Variants in LRRC9 observed in about 807,000 individuals in gnomAD.
LRRC9 encodes leucine-rich repeat-containing protein 9.
In LRRC9, 122 loss-of-function variants were observed where a neutral mutation model predicts 63.2. The observed-to-expected ratio is 1.93, with a 90% confidence interval of 1.67 to 2.24. LRRC9 has a LOEUF of 2.24. Among genes scored for constraint, LRRC9 ranks in the 30% most tolerant of loss-of-function variants. The pLI, the probability that LRRC9 is intolerant of heterozygous loss-of-function variation, is 0.00. For missense variants in LRRC9, 1,071 were observed against 627.7 expected (o/e 1.71, Z -7.55); for synonymous variants, 366 against 213.1 (o/e 1.72, Z -6.25).
In LRRC9 at chr14:59,942,202, A is replaced by G. The variant is rs1881846238; in HGVS notation, c.727-2387A>G. 6.6e-6 allele frequency among the ~76,000 whole-genome samples: 1 copy of G among 152,092 alleles called. No individual in the cohort carries two copies. Among genetic ancestry groups the G allele is most frequent in the Admixed American group, 6.6e-5 (1 of 15,248 alleles). On this transcript the variant is annotated intron_variant, in intron 7 of 31. Coordinates refer to ENST00000445360, the Ensembl canonical transcript of LRRC9. This position sits in a 1 kb window ranked among gnomAD's most constrained non-coding sequence, Gnocchi z 5.3. ...TGTGTATACACATATGTGTGTGTGT[A>G]ATGTGATATATATATATTACATTTT...
At chr14:60,034,528 C>T (rs533737219) in intron 29 of LRRC9, among the ~76,000 whole-genome samples, 5 of 152,098 alleles carry the variant, frequency 3.3e-5, no homozygotes, top group Admixed American at 6.6e-5. Context: ...ACTCTGGTAA[C>T]CACCAATCTA....
At chr14:60,041,737 T>A (rs76174931) in intron 29 of LRRC9, among the ~76,000 whole-genome samples, 1 of 152,222 alleles carries the variant, frequency 6.6e-6, no homozygotes, top group Non-Finnish European at 1.5e-5. Context: ...TCTGAAGCAT[T>A]CTTCTCTCAA....
intron 29 of LRRC9, among the ~76,000 whole-genome samples, chr14:60,034,541 CT>C (rs1472727976): frequency 2.0e-5 from 3 of 152,092 alleles, no homozygotes; most frequent in South Asian, 4.1e-4. Flanking sequence ...CCAATCTAGT[CT>C]TTGTCTTCAT....
In LRRC9 at chr14:60,027,578, A is replaced by G. The variant is rs1369477771; in HGVS notation, c.3704-306A>G. 6.6e-6 allele frequency among the ~76,000 whole-genome samples: 1 copy of G among 152,080 alleles called. No homozygotes were observed. The highest frequency in any genetic ancestry group is 1.5e-5 in the Non-Finnish European group (1 of 67,982). On this transcript the variant is annotated intron_variant, in intron 27 of 31. Coordinates refer to ENST00000445360, the Ensembl canonical transcript of LRRC9. The surrounding 1 kb of genome is among the most constrained non-coding windows in gnomAD (Gnocchi z 4.0). Reference sequence around the variant, plus strand: ...TCTTCTGCAGCAGTCTTCTATATCTACTTTTGTCAATACCGACTATTTTAA... The same window carrying G: ...TCTTCTGCAGCAGTCTTCTATATCTGCTTTTGTCAATACCGACTATTTTAA...
intron 7 of LRRC9, among the ~76,000 whole-genome samples, chr14:59,943,702 T>G (rs751996636): frequency 5.9e-5 from 9 of 152,010 alleles, no homozygotes; most frequent in Non-Finnish European, 1.3e-4. Context: ...GAAAGAGGAT[T>G]ATTTTGGCCT....
chr14:60,045,051 CTTT>C (rs200934262), intron 29 of LRRC9, among the ~76,000 whole-genome samples: 365 of 118,876 alleles, frequency 3.1e-3, no homozygotes, highest in East Asian at 0.015. Flanking sequence ...CTTTCCTTGT[CTTT>C]TTTTTTTTTT....
chr14:60,039,158 C>T (rs1383580140), intron 29 of LRRC9, among the ~76,000 whole-genome samples: 4 of 152,106 alleles, frequency 2.6e-5, no homozygotes, highest in South Asian at 2.1e-4. Flanking sequence ...CTGCTGGATT[C>T]GGTTTGCCAG....
intron 23 of LRRC9, among the ~76,000 whole-genome samples, chr14:60,012,978 CT>C (rs1890371576): frequency 2.0e-5 from 3 of 149,516 alleles, no homozygotes; most frequent in Non-Finnish European, 3.0e-5. Flanking sequence ...TATTATTATA[CT>C]TTAAGTTTTA....
chr14:59,977,284 T>A (rs368800713), exon 14 of LRRC9: 3 of 701,034 alleles, frequency 4.3e-6, no homozygotes, highest in Non-Finnish European at 7.8e-6. Flanking sequence ...TGAAAAAGAA[T>A]CCATCAGTCA....
intron 2 of LRRC9, 46 bp downstream of exon 2, chr14:59,928,037 A>G (rs1423994058): frequency 1.5e-6 from 1 of 667,110 alleles, no homozygotes; most frequent in Non-Finnish European, 2.7e-6. Flanking sequence ...GCAGTAATAT[A>G]AAATGGAAAG....
intron 6 of LRRC9, among the ~76,000 whole-genome samples, chr14:59,933,315 T>C (rs1307654454): frequency 6.6e-6 from 1 of 152,182 alleles, no homozygotes; most frequent in Non-Finnish European, 1.5e-5. Context: ...GAACTTTGCC[T>C]GTTCTCTTCA....
At chr14:59,995,980 T>C (rs1888741475) in intron 17 of LRRC9, among the ~76,000 whole-genome samples, 1 of 152,170 alleles carries the variant, frequency 6.6e-6, no homozygotes. Flanking sequence ...GACCTCGTGA[T>C]CCACCCGCCT....
Position 60,031,987 on chromosome 14 carries a change from T to C in LRRC9, c.3922-8T>C. The C allele has an allele frequency of 1.4e-6, 1 of 698,788 alleles. No individual in the cohort carries two copies. The highest frequency in any genetic ancestry group is 2.7e-5 in the East Asian group (1 of 37,120). 43.3% of individuals were successfully genotyped at this position (698,788 alleles called of 1,614,324 possible). On this transcript the variant is annotated splice_polypyrimidine_tract_variant and splice_region_variant and intron_variant, in intron 28 of 31. Coordinates refer to ENST00000445360, the Ensembl canonical transcript of LRRC9. The surrounding 1 kb of genome is among the most constrained non-coding windows in gnomAD (Gnocchi z 4.6). Reference sequence around the variant, plus strand: ...CAAATAATAACTTACTGATTAACTTTTGAATAGGATATCACAGAACTGGAA... The same window carrying C: ...CAAATAATAACTTACTGATTAACTTCTGAATAGGATATCACAGAACTGGAA...
Position 60,060,192 on chromosome 14 carries a change from C to A in LRRC9, c.4276+2170C>A, listed in dbSNP as rs548539260. Among the ~76,000 whole-genome samples, 42 of 152,316 alleles carry A rather than the reference C, an allele frequency of 2.8e-4. No individual in the cohort carries two copies. Among genetic ancestry groups the A allele is most frequent in the African/African-American group, 9.6e-4 (40 of 41,564 alleles). On this transcript the variant is annotated intron_variant, in intron 31 of 31. Coordinates refer to ENST00000445360, the Ensembl canonical transcript of LRRC9. The surrounding 1 kb of genome is among the most constrained non-coding windows in gnomAD (Gnocchi z 4.0). The stretch of plus-strand genomic sequence containing the variant: ...GTACAAAGCTTGGATAACAGCACAT[C>A]TGTTTACAGCATAGTTTACTAAGTA...
intron 26 of LRRC9, among the ~76,000 whole-genome samples, 189 bp from the exon 27 acceptor site, chr14:60,022,545 C>A (rs984670180): frequency 6.6e-6 from 1 of 151,632 alleles, no homozygotes; most frequent in Non-Finnish European, 1.5e-5. Context: ...TTATTCTAGA[C>A]CATTCTTTTT....
At chr14:60,024,255 C>T (rs1253537630) in intron 27 of LRRC9, among the ~76,000 whole-genome samples, 1 of 152,016 alleles carries the variant, frequency 6.6e-6, no homozygotes, top group Non-Finnish European at 1.5e-5. Context: ...AATTTACACT[C>T]CCACCAACAA....
chr14:60,042,122 GA>G lies in LRRC9; in HGVS notation c.3990+10060del, dbSNP rs1334818165. ...TCCTTCCTCTGGAACCTTCGTCTCA[GA>G]GGGGCACCCAGCTGTATGAGGTGTC... On this transcript the variant is annotated intron_variant, in intron 29 of 31. Coordinates refer to ENST00000445360, the Ensembl canonical transcript of LRRC9. This position sits in a 1 kb window ranked among gnomAD's most constrained non-coding sequence, Gnocchi z 4.2. 6.6e-6 allele frequency among the ~76,000 whole-genome samples: 1 copy of G among 152,210 alleles called. No homozygotes were observed.
At chr14:59,928,075 G>T in intron 2 of LRRC9, 84 bp downstream of exon 2, 2 of 619,162 alleles carry the variant, frequency 3.2e-6, no homozygotes, top group East Asian at 2.8e-5. Context: ...AGAGCTGGAA[G>T]GGTTACTTAG....
At chr14:60,036,929 C>T (rs1235792445) in intron 29 of LRRC9, among the ~76,000 whole-genome samples, 3 of 152,110 alleles carry the variant, frequency 2.0e-5, no homozygotes, top group South Asian at 4.1e-4. Flanking sequence ...CCCAACCCCA[C>T]GACAGGCCCT....
Sources: gnomAD v4.1 joint callset for allele counts (sites outside exome capture counted in the v4.1 genomes callset) on GRCh38, gnomAD v4.1.1 for gene constraint, Gnocchi (gnomAD v3.1) non-coding constraint, MANE v1.5 for transcripts, NCBI Gene and HGNC (gene_info 2026-07-23, HGNC 2026-07-21) for gene names.